PLXDC2: variants seen among roughly 807,000 people sequenced by gnomAD.
The protein encoded by PLXDC2 is plexin domain containing 2, also known as plexin domain-containing protein 2.
Under a neutral mutation model 68.9 loss-of-function variants are expected in PLXDC2, and 40 were observed. The observed-to-expected ratio is 0.58, with a 90% CI of 0.45 to 0.76. The LOEUF (loss-of-function observed/expected upper bound fraction) is 0.76, where lower values mean the gene tolerates loss of function less well. PLXDC2 is among the 30% of genes least tolerant of loss of function. PLXDC2 has a pLI of 0.00. For synonymous variants in PLXDC2, 243 were observed against 234.2 expected (o/e 1.04, Z -0.34); for missense variants, 644 against 661.9 (o/e 0.97, Z 0.30).
chr10:19,972,984 T>A (rs1391305452), intron 1 of PLXDC2, among the ~76,000 whole-genome samples: 1 of 152,154 alleles, frequency 6.6e-6, no homozygotes, highest in East Asian at 1.9e-4. Flanking sequence ...AAAAACCTAT[T>A]AAGATTTTAA....
chr10:19,975,990 G>A (rs1589565670), intron 1 of PLXDC2, among the ~76,000 whole-genome samples: 3 of 152,072 alleles, frequency 2.0e-5, no homozygotes, highest in South Asian at 4.1e-4. Flanking sequence ...ATGACAGAGC[G>A]AGACTCCTTC....
chr10:19,835,040 T>C (rs1280226147), intron 1 of PLXDC2, among the ~76,000 whole-genome samples: 1 of 152,088 alleles, frequency 6.6e-6, no homozygotes, highest in African/African-American at 2.4e-5. Flanking sequence ...TGGAAAGGCA[T>C]CCTGAACAGA....
At chr10:19,823,993 G>A (rs1405224541) in intron 1 of PLXDC2, among the ~76,000 whole-genome samples, 1 of 152,134 alleles carries the variant, frequency 6.6e-6, no homozygotes, top group Non-Finnish European at 1.5e-5. Flanking sequence ...GGCCAACAGA[G>A]TGTGACCCTG....
intron 9 of PLXDC2, among the ~76,000 whole-genome samples, chr10:20,201,185 G>T (rs1231387838): frequency 6.6e-6 from 1 of 152,036 alleles, no homozygotes; most frequent in Non-Finnish European, 1.5e-5. Context: ...ATACACAATA[G>T]AATACTGTTC....
intron 13 of PLXDC2, among the ~76,000 whole-genome samples, chr10:20,250,980 C>T: frequency 6.6e-6 from 1 of 152,082 alleles, no homozygotes; most frequent in East Asian, 1.9e-4. Context: ...TGGGCTTTAG[C>T]TTTTAGATTT....
At chr10:19,842,771 A>G (rs1252970413) in intron 1 of PLXDC2, among the ~76,000 whole-genome samples, 1 of 152,184 alleles carries the variant, frequency 6.6e-6, no homozygotes, top group African/African-American at 2.4e-5. Context: ...TTCCTCGTAT[A>G]TGGGTTAATG....
At chr10:20,102,363 T>C (rs1358654331) in intron 4 of PLXDC2, among the ~76,000 whole-genome samples, 1 of 152,120 alleles carries the variant, frequency 6.6e-6, no homozygotes, top group Non-Finnish European at 1.5e-5. Context: ...TGTCTGAGGG[T>C]AAAAAGAACA....
chr10:20,199,238 G>A (rs1834885437), intron 9 of PLXDC2, among the ~76,000 whole-genome samples: 1 of 151,850 alleles, frequency 6.6e-6, no homozygotes, highest in Non-Finnish European at 1.5e-5. Context: ...ATTTTTTTAA[G>A]TTAACATTAG....
chr10:20,192,479 A>G (rs967044993), intron 9 of PLXDC2, among the ~76,000 whole-genome samples: 1 of 152,134 alleles, frequency 6.6e-6, no homozygotes, highest in South Asian at 2.1e-4. Context: ...AGACTGGACA[A>G]AGTAATAAAA....
chr10:20,232,263 G>A (rs1835375025), intron 12 of PLXDC2, among the ~76,000 whole-genome samples: 1 of 152,084 alleles, frequency 6.6e-6, no homozygotes, highest in Admixed American at 6.6e-5. Flanking sequence ...ATACATTTCT[G>A]ATTGGAGTGT....
rs532768408 is a variant in PLXDC2 at position 20,030,015 on chromosome 10, C to A, written c.325-16854C>A. Among the ~76,000 whole-genome samples, 51 of 152,240 alleles carry A rather than the reference C, an allele frequency of 3.3e-4. 1 individual carries two copies. In the South Asian group the frequency reaches 9.7e-3, roughly 29 times the overall value. ...TTAGAAAGCAGTAGGAAGATTTACA[C>A]TGCTAAAAGTTCCTCTATGCCAAAT... On this transcript the variant is annotated intron_variant, in intron 2 of 13. Transcript: ENST00000377252.
chr10:19,819,558 A>G (rs1288087712), intron 1 of PLXDC2, among the ~76,000 whole-genome samples: 1 of 152,242 alleles, frequency 6.6e-6, no homozygotes, highest in Non-Finnish European at 1.5e-5. Flanking sequence ...TGGCACAGGA[A>G]CAACATCTGA....
At chr10:20,243,620 G>GT (rs1317838859) in intron 12 of PLXDC2, among the ~76,000 whole-genome samples, 1 of 152,130 alleles carries the variant, frequency 6.6e-6, no homozygotes, top group African/African-American at 2.4e-5. Flanking sequence ...ACCACACATT[G>GT]TGATAGACAT....
intron 1 of PLXDC2, among the ~76,000 whole-genome samples, chr10:19,971,876 G>A (rs571915117): frequency 6.6e-6 from 1 of 152,128 alleles, no homozygotes; most frequent in Non-Finnish European, 1.5e-5. Context: ...TTGCCATGCC[G>A]AGAGGAAGAA....
At chr10:20,014,691 C>T (rs192331117) in intron 2 of PLXDC2, among the ~76,000 whole-genome samples, 26 of 152,180 alleles carry the variant, frequency 1.7e-4, no homozygotes, top group Admixed American at 1.1e-3. Context: ...ATTTAATAGG[C>T]TTTGTTCAGA....
chr10:19,896,318 A>C (rs1838057447), intron 1 of PLXDC2, among the ~76,000 whole-genome samples: 1 of 152,258 alleles, frequency 6.6e-6, no homozygotes, highest in Non-Finnish European at 1.5e-5. Context: ...AGAGAGAGGC[A>C]GAGAATTGCA....
intron 9 of PLXDC2, among the ~76,000 whole-genome samples, chr10:20,195,258 A>G (rs1366121720): frequency 1.3e-5 from 2 of 152,086 alleles, no homozygotes; most frequent in African/African-American, 4.8e-5. Flanking sequence ...AGAGACTGCA[A>G]AACTGATCCT....
chr10:20,147,663 C>G (rs1347721626), intron 5 of PLXDC2, 121 bp from the exon 6 acceptor site: 1 of 600,228 alleles, frequency 1.7e-6, no homozygotes, highest in Admixed American at 2.8e-5. Flanking sequence ...CACATAAAAT[C>G]GAAATAGTAC....
At chr10:20,036,848 C>T (rs2131672574) in intron 2 of PLXDC2, among the ~76,000 whole-genome samples, 1 of 152,282 alleles carries the variant, frequency 6.6e-6, no homozygotes, top group South Asian at 2.1e-4. Flanking sequence ...TGAATTTCGC[C>T]TCCAACTTTG....
Sources: gnomAD v4.1 joint callset for allele counts (sites outside exome capture counted in the v4.1 genomes callset) on GRCh38, gnomAD v4.1.1 for gene constraint, MANE v1.5 for transcripts, NCBI Gene and HGNC (gene_info 2026-07-23, HGNC 2026-07-21) for gene names.